The following PYROXD1 variants were observed in gnomAD, a reference collection of about 807,000 sequenced individuals.
PYROXD1 encodes the protein tRNA ligase complex-associated NAD(P)H dehydrogenase PYROXD1.
PYROXD1 carries 42 observed loss-of-function variants against 62.0 expected under a neutral mutation model. The ratio of observed to expected loss-of-function variants is 0.68; its 90% CI spans 0.53 to 0.88. The LOEUF (loss-of-function observed/expected upper bound fraction) is 0.88, where lower values mean the gene tolerates loss of function less well. PYROXD1 is among the 40% of genes least tolerant of loss of function. The pLI, the probability that PYROXD1 is intolerant of heterozygous loss-of-function variation, is 0.00. For missense variants in PYROXD1, 493 were observed against 604.8 expected (o/e 0.82, Z 1.94); for synonymous variants, 170 against 206.4 (o/e 0.82, Z 1.51).
intron 4 of PYROXD1, among the ~76,000 whole-genome samples, chr12:21,451,010 G>A (rs1591944877): frequency 6.6e-6 from 1 of 152,102 alleles, no homozygotes; most frequent in East Asian, 1.9e-4. Flanking sequence ...TCTTGCAGAT[G>A]TTTCTTAAAT....
intron 8 of PYROXD1, among the ~76,000 whole-genome samples, chr12:21,461,798 T>C (rs1428049835): frequency 1.3e-5 from 2 of 152,222 alleles, no homozygotes; most frequent in East Asian, 3.8e-4. Context: ...TGCCATGGTT[T>C]TAAAATTATA....
At chr12:21,465,409 T>C (rs1942773617) in intron 10 of PYROXD1, among the ~76,000 whole-genome samples, 1 of 152,256 alleles carries the variant, frequency 6.6e-6, no homozygotes, top group South Asian at 2.1e-4. Context: ...TTTGCATTTC[T>C]CTGATGGCCA....
chr12:21,449,982 C>T (rs1020981720), intron 4 of PYROXD1, among the ~76,000 whole-genome samples: 4 of 151,708 alleles, frequency 2.6e-5, no homozygotes, highest in Admixed American at 2.0e-4. Flanking sequence ...CTCAGCCTCC[C>T]GAGAAGCTGG....
At chr12:21,467,372 CAGAA>C (rs774590915) in intron 10 of PYROXD1, 105 bp from the exon 11 acceptor site, 28 of 1,008,298 alleles carry the variant, frequency 2.8e-5, no homozygotes, top group Non-Finnish European at 3.5e-5. Context: ...GCAAAGATGA[CAGAA>C]AGACTGTCAA....
At chr12:21,462,370 G>GT (rs1942714707) in intron 9 of PYROXD1, among the ~76,000 whole-genome samples, 1 of 151,814 alleles carries the variant, frequency 6.6e-6, no homozygotes. Context: ...CTAAATGTTG[G>GT]TAAGAGACTG....
At chr12:21,444,007 A>C (rs1232485961) in intron 2 of PYROXD1, among the ~76,000 whole-genome samples, 2 of 152,224 alleles carry the variant, frequency 1.3e-5, no homozygotes, top group Non-Finnish European at 2.9e-5. Flanking sequence ...GGGTCTCATA[A>C]GTATCTTTCC....
chr12:21,452,078 T>C lies in PYROXD1; in HGVS notation c.415-3T>C. 1.3e-6 allele frequency: 2 copies of C among 1,564,540 alleles called. No individual in the cohort carries two copies. The highest frequency in any genetic ancestry group is 1.7e-6 in the Non-Finnish European group (2 of 1,147,638). On this transcript the variant is annotated splice_region_variant and splice_polypyrimidine_tract_variant and intron_variant, in intron 4 of 11. Transcript: ENST00000240651. ...CTACCTCATTATTTTCTTTTTAACA[T>C]AGGAATTTCAGAAACAGCTTACTAA...
chr12:21,451,825 AAATGT>A (rs1328145849), intron 4 of PYROXD1, among the ~76,000 whole-genome samples: 1 of 152,146 alleles, frequency 6.6e-6, no homozygotes, highest in East Asian at 1.9e-4. Context: ...GAAGTACTGT[AAATGT>A]AATGACCTAA....
At chr12:21,452,488 C>T (rs1247390963) in intron 5 of PYROXD1, among the ~76,000 whole-genome samples, 2 of 152,002 alleles carry the variant, frequency 1.3e-5, no homozygotes, top group East Asian at 3.8e-4. Flanking sequence ...CAAATATTTA[C>T]ACCTTTTGAG....
intron 3 of PYROXD1, among the ~76,000 whole-genome samples, chr12:21,445,886 A>G (rs1401035651): frequency 6.6e-6 from 1 of 152,174 alleles, no homozygotes; most frequent in Non-Finnish European, 1.5e-5. Flanking sequence ...GGCTTAAGGA[A>G]GACTTTACAG....
chr12:21,455,086 C>A, intron 5 of PYROXD1, 46 bp from the exon 6 acceptor site: 1 of 1,201,822 alleles, frequency 8.3e-7, no homozygotes, highest in Non-Finnish European at 1.1e-6. Flanking sequence ...AGATTTTTTA[C>A]TTAGACTTTT....
chr12:21,442,734 C>T (rs1942318882), intron 2 of PYROXD1, among the ~76,000 whole-genome samples: 1 of 152,194 alleles, frequency 6.6e-6, no homozygotes, highest in South Asian at 2.1e-4. Context: ...GGTTCCCTGG[C>T]AGGAATGGTT....
chr12:21,445,124 A>G (rs1942362117), intron 2 of PYROXD1, among the ~76,000 whole-genome samples: 1 of 152,210 alleles, frequency 6.6e-6, no homozygotes, highest in South Asian at 2.1e-4. Flanking sequence ...TAGCCAGGAA[A>G]CTATGGCTTG....
intron 6 of PYROXD1, 132 bp downstream of exon 6, chr12:21,455,424 A>C (rs1164049773): frequency 2.8e-6 from 1 of 361,142 alleles, no homozygotes; most frequent in Non-Finnish European, 4.9e-6. Context: ...CTTTACATGA[A>C]GTTTTCAGAT....
At chr12:21,456,871 T>TCA in intron 7 of PYROXD1, 4 of 455,470 alleles carry the variant, frequency 8.8e-6, no homozygotes, top group Middle Eastern at 6.5e-4. Context: ...TCAGCAATAC[T>TCA]CACAGCATCC....
At chr12:21,463,753 T>C (rs1323291823) in intron 10 of PYROXD1, among the ~76,000 whole-genome samples, 1 of 151,124 alleles carries the variant, frequency 6.6e-6, no homozygotes, top group Non-Finnish European at 1.5e-5. Context: ...AAGTCCCAAC[T>C]GGATCTAGAC....
chr12:21,454,877 T>A (rs892178742), intron 5 of PYROXD1: 1 of 249,460 alleles, frequency 4.0e-6, no homozygotes. Context: ...GTAATGAAAT[T>A]TTACTTGATA....
intron 7 of PYROXD1, among the ~76,000 whole-genome samples, chr12:21,456,453 A>G (rs1942599079): frequency 6.6e-6 from 1 of 152,204 alleles, no homozygotes; most frequent in African/African-American, 2.4e-5. Context: ...TGCCTGCAAA[A>G]GTTATGTTTA....
chr12:21,460,520 T>G (rs980377483), intron 7 of PYROXD1, among the ~76,000 whole-genome samples: 1 of 151,072 alleles, frequency 6.6e-6, no homozygotes. Context: ...GCCTCCCGGG[T>G]TCAAGCGAGT....
Sources: allele counts gnomAD v4.1 joint callset (sites outside exome capture counted in the v4.1 genomes callset), GRCh38; gene constraint gnomAD v4.1.1; transcripts MANE v1.5; gene names NCBI Gene and HGNC (gene_info 2026-07-23, HGNC 2026-07-21).